The following CELF4 variants were observed in gnomAD, a reference collection of about 807,000 sequenced individuals.
CELF4 encodes CUG-BP- and ETR-3-like factor 4.
A neutral mutation model predicts 59.9 loss-of-function variants in CELF4; 18 were observed. The ratio of observed to expected loss-of-function variants is 0.30; its 90% CI spans 0.21 to 0.45. The LOEUF is 0.45. CELF4 is among the 20% of genes least tolerant of loss of function. The pLI is 1.00. For missense variants in CELF4, 456 were observed against 689.0 expected (o/e 0.66, Z 3.79); for synonymous variants, 261 against 267.1 (o/e 0.98, Z 0.22).
intron 8 of CELF4, among the ~76,000 whole-genome samples, chr18:37,266,940 G>A (rs551832508): frequency 6.6e-6 from 1 of 152,060 alleles, no homozygotes; most frequent in Non-Finnish European, 1.5e-5. Context: ...CTGGTGGTGG[G>A]GGGGGACACA....
chr18:37,499,662 G>A (rs1278288790), intron 1 of CELF4, among the ~76,000 whole-genome samples: 1 of 152,238 alleles, frequency 6.6e-6, no homozygotes, highest in African/African-American at 2.4e-5. Flanking sequence ...TCCTGGCACA[G>A]GGCCTGGCAT....
intron 2 of CELF4, among the ~76,000 whole-genome samples, chr18:37,458,578 T>C (rs964575912): frequency 5.9e-5 from 9 of 152,256 alleles, no homozygotes; most frequent in African/African-American, 1.9e-4. Flanking sequence ...TTATAACTTG[T>C]AGAGCTCATC....
At chr18:37,429,369 G>A (rs2099634056) in intron 2 of CELF4, among the ~76,000 whole-genome samples, 1 of 152,050 alleles carries the variant, frequency 6.6e-6, no homozygotes. Context: ...GTATGTCTGT[G>A]TGCATTTTAT....
intron 1 of CELF4, among the ~76,000 whole-genome samples, chr18:37,499,427 C>T (rs998017095): frequency 3.3e-5 from 5 of 151,970 alleles, no homozygotes; most frequent in African/African-American, 4.8e-5. Flanking sequence ...ACAAGGTTTA[C>T]AGGAGGCAGA....
chr18:37,474,725 G>T (rs1414729337), intron 2 of CELF4, among the ~76,000 whole-genome samples: 1 of 152,256 alleles, frequency 6.6e-6, no homozygotes, highest in Non-Finnish European at 1.5e-5. Flanking sequence ...ATCGGAGTTA[G>T]AGAGACAAGA....
At chr18:37,396,573 T>C (rs2099248256) in intron 2 of CELF4, among the ~76,000 whole-genome samples, 1 of 152,208 alleles carries the variant, frequency 6.6e-6, no homozygotes, top group Non-Finnish European at 1.5e-5. Context: ...AGCTGTGTCC[T>C]CTGCACTAAG....
At chr18:37,503,265 G>A (rs554581075) in intron 1 of CELF4, among the ~76,000 whole-genome samples, 478 of 152,336 alleles carry the variant, frequency 3.1e-3, no homozygotes, top group Non-Finnish European at 5.3e-3. Flanking sequence ...AGGGCTCTGC[G>A]CTCAGCCCCT....
intron 1 of CELF4, among the ~76,000 whole-genome samples, chr18:37,533,704 C>A (rs1400772273): frequency 7.9e-5 from 12 of 152,172 alleles, no homozygotes; most frequent in African/African-American, 2.9e-4. Flanking sequence ...ATTTCGGGAG[C>A]AGCTACTGTG....
chr18:37,439,240 C>T (rs754699960), intron 2 of CELF4, among the ~76,000 whole-genome samples: 81 of 152,200 alleles, frequency 5.3e-4, no homozygotes, highest in Non-Finnish European at 8.4e-4. Context: ...GAGGGGCAGG[C>T]GGTGGGTTTG....
At chr18:37,426,692 G>C (rs1469394745) in intron 2 of CELF4, among the ~76,000 whole-genome samples, 1 of 152,192 alleles carries the variant, frequency 6.6e-6, no homozygotes, top group Non-Finnish European at 1.5e-5. Flanking sequence ...GGGCGGGGCA[G>C]CCTGCCCAGG....
chr18:37,338,943 C>T (rs1361685608), intron 2 of CELF4, among the ~76,000 whole-genome samples: 3 of 152,152 alleles, frequency 2.0e-5, no homozygotes, highest in Non-Finnish European at 2.9e-5. Context: ...CCCCCACTGC[C>T]CCAAGGAAGA....
intron 6 of CELF4, 190 bp downstream of exon 6, chr18:37,274,121 A>G: frequency 7.1e-7 from 1 of 1,398,656 alleles, no homozygotes; most frequent in Admixed American, 3.3e-5. Flanking sequence ...CAGCCACCCC[A>G]ACTGGGCCAG....
At chr18:37,444,191 G>A (rs1354986758) in intron 2 of CELF4, among the ~76,000 whole-genome samples, 2 of 152,142 alleles carry the variant, frequency 1.3e-5, no homozygotes, top group African/African-American at 2.4e-5. Flanking sequence ...CCCTGACCCT[G>A]AGCCCATTCT....
chr18:37,254,010 CG>C lies in CELF4; in HGVS notation c.1334-73del. 2.5e-5 allele frequency: 4 copies of C among 156,968 alleles called. No individual in the cohort carries two copies. Among genetic ancestry groups the C allele is most frequent in the South Asian group, 1.5e-4 (2 of 13,626 alleles). 9.7% of individuals were successfully genotyped at this position (156,968 alleles called of 1,614,324 possible). A position where few individuals can be genotyped will look rare whatever the true frequency, so the allele number is the denominator to read the frequency against. ...CGGGGCGCTGCCGGCGGGGAGGGGT[CG>C]GGGGACAGGGGGGCGGGGCGGGCCT... On this transcript the variant is annotated intron_variant, in intron 11 of 12. Coordinates refer to ENST00000420428, the MANE Select transcript of CELF4 (RefSeq NM_020180.4). This position sits in a 1 kb window ranked among gnomAD's most constrained non-coding sequence, Gnocchi z 5.1.
chr18:37,513,598 T>G (rs2099947009), intron 1 of CELF4, among the ~76,000 whole-genome samples: 2 of 152,340 alleles, frequency 1.3e-5, no homozygotes, highest in Non-Finnish European at 2.9e-5. Context: ...CTCTTTAGTC[T>G]GCACCAACCT....
intron 8 of CELF4, among the ~76,000 whole-genome samples, chr18:37,268,762 C>T (rs998355566): frequency 6.6e-6 from 1 of 152,200 alleles, no homozygotes; most frequent in South Asian, 2.1e-4. Flanking sequence ...CTCTGCCTAA[C>T]GACCTCATTA....
At chr18:37,335,235 C>T (rs1014645810) in intron 2 of CELF4, among the ~76,000 whole-genome samples, 1 of 152,142 alleles carries the variant, frequency 6.6e-6, no homozygotes, top group Non-Finnish European at 1.5e-5. Context: ...GATCACGGCC[C>T]TCCTCCTGAA....
chr18:37,392,320 T>G (rs1326996383), intron 2 of CELF4, among the ~76,000 whole-genome samples: 1 of 152,202 alleles, frequency 6.6e-6, no homozygotes. Context: ...CGTTGCTCTG[T>G]GCTTGCACTG....
At chr18:37,282,662 T>C (rs2094294037) in intron 3 of CELF4, among the ~76,000 whole-genome samples, 1 of 152,166 alleles carries the variant, frequency 6.6e-6, no homozygotes, top group Non-Finnish European at 1.5e-5. Context: ...CTCCCATCCT[T>C]GGAGGCTGAG....
Sources: gnomAD v4.1 joint callset for allele counts (sites outside exome capture counted in the v4.1 genomes callset) on GRCh38, gnomAD v4.1.1 for gene constraint, Gnocchi (gnomAD v3.1) non-coding constraint, MANE v1.5 for transcripts, NCBI Gene and HGNC (gene_info 2026-07-23, HGNC 2026-07-21) for gene names.